HEATR5A: variants seen among roughly 807,000 people sequenced by gnomAD.
HEATR5A encodes the protein HEAT repeat-containing protein 5A.
In HEATR5A, 178 loss-of-function variants were observed where a neutral mutation model predicts 218.8. The observed-to-expected ratio is 0.81, with a 90% CI of 0.72 to 0.92. The LOEUF is 0.92. Among genes scored for constraint, HEATR5A ranks in the 40% least tolerant of loss-of-function variants. HEATR5A has a pLI of 0.00. For synonymous variants in HEATR5A, 864 were observed against 871.6 expected (o/e 0.99, Z 0.15); for missense variants, 2,420 against 2,418.9 (o/e 1.00, Z -0.01).
chr14:31,296,075 T>C lies in HEATR5A; in HGVS notation c.5465-12A>G. The C allele has an allele frequency of 6.2e-7, 1 of 1,610,304 alleles. No individual in the cohort carries two copies. Among genetic ancestry groups the C allele is most frequent in the Non-Finnish European group, 8.5e-7 (1 of 1,176,974 alleles). ...GTGTGTTTCATCAACTAAAGAGAAATGCTCTATTAGAAACAGTTCATATTT... is the reference window on the plus strand; with the variant it reads ...GTGTGTTTCATCAACTAAAGAGAAACGCTCTATTAGAAACAGTTCATATTT... On this transcript the variant is annotated splice_polypyrimidine_tract_variant and intron_variant, in intron 33 of 35. Transcript: ENST00000543095.
intron 9 of HEATR5A, among the ~76,000 whole-genome samples, chr14:31,385,659 C>G (rs1179271752): frequency 6.6e-6 from 1 of 152,134 alleles, no homozygotes; most frequent in Non-Finnish European, 1.5e-5. Context: ...AGTGACTGTA[C>G]AGTATAGCAA....
In HEATR5A at chr14:31,302,335, GAGA is replaced by G. The variant is rs1216491261; in HGVS notation, c.5421_5423del (p.Leu1808del). 1.2e-6 allele frequency: 2 copies of G among 1,603,536 alleles called. No homozygotes were observed. Among genetic ancestry groups the G allele is most frequent in the East Asian group, 2.2e-5 (1 of 44,612 alleles). ...CAAGAATTGTTGTTAAGGCACTTCGGAGAAGGTCAGTCCAAGCAGTACGGCTCT... is the reference window on the plus strand; with the variant it reads ...CAAGAATTGTTGTTAAGGCACTTCGGAGGTCAGTCCAAGCAGTACGGCTCT... On this transcript the variant is annotated inframe_deletion, in exon 33 of 36. Coordinates refer to ENST00000543095, the MANE Select transcript of HEATR5A (RefSeq NM_015473.4).
At chr14:31,396,713 G>A (rs527441324) in intron 4 of HEATR5A, among the ~76,000 whole-genome samples, 1 of 152,274 alleles carries the variant, frequency 6.6e-6, no homozygotes, top group East Asian at 1.9e-4. Flanking sequence ...CAAATGTTGT[G>A]TATCACTGGT....
chr14:31,396,848 T>C (rs1050314617), intron 4 of HEATR5A, among the ~76,000 whole-genome samples: 12 of 152,202 alleles, frequency 7.9e-5, no homozygotes, highest in Non-Finnish European at 1.6e-4. Flanking sequence ...AATATACTTA[T>C]CAGTAACTTA....
In HEATR5A at chr14:31,302,465, T is replaced by C. The variant is rs1344758991; in HGVS notation, c.5294A>G (p.Glu1765Gly). The C allele has an allele frequency of 1.3e-6, 2 of 1,596,424 alleles. No homozygotes were observed. Among genetic ancestry groups the C allele is most frequent in the Non-Finnish European group, 1.7e-6 (2 of 1,170,618 alleles). ...GCCCCCAGGTAACTTCACAGCAGTCTCTCTGAGGACCCCGATTGTGAGGTA... is the reference window on the plus strand; with the variant it reads ...GCCCCCAGGTAACTTCACAGCAGTCCCTCTGAGGACCCCGATTGTGAGGTA... ...ILYLTIGVLR[E>G]TAVKLPGGQL... The change falls in exon 33 of 36, where the codon GAG (glutamate) becomes GGG (glycine). Residue 1765 changes from glutamate (E) to glycine (G), a missense_variant. Glu to Gly is a moderately conservative substitution (Grantham distance 98). Coordinates refer to ENST00000543095, the MANE Select transcript of HEATR5A (RefSeq NM_015473.4).
intron 12 of HEATR5A, 97 bp from the exon 13 acceptor site, chr14:31,372,006 T>C (rs959068554): frequency 5.5e-6 from 3 of 541,402 alleles, no homozygotes; most frequent in Non-Finnish European, 9.8e-6. Flanking sequence ...ATTAGAGTAA[T>C]AAAGCAATTT....
chr14:31,400,225 A>G lies in HEATR5A; in HGVS notation c.338+76T>C, dbSNP rs1446306695. ...GCATTCAGTTTCAAAGTAAATGTCA[A>G]GTACTATGGGTACTTCATAAAAATA... On this transcript the variant is annotated intron_variant, in intron 3 of 35. Coordinates refer to ENST00000543095, the MANE Select transcript of HEATR5A (RefSeq NM_015473.4). 12 of 895,420 alleles carry G rather than the reference A, an allele frequency of 1.3e-5. No individual in the cohort carries two copies. The Admixed American group carries it at 3.2e-4, about 24-fold the overall frequency. 55.5% of individuals were successfully genotyped at this position (895,420 alleles called of 1,614,324 possible).
intron 21 of HEATR5A, among the ~76,000 whole-genome samples, chr14:31,338,883 G>A (rs563271441): frequency 2.6e-5 from 4 of 152,154 alleles, no homozygotes; most frequent in African/African-American, 7.2e-5. Context: ...TTGGGAGGCC[G>A]AGGTAGGCAG....
intron 33 of HEATR5A, among the ~76,000 whole-genome samples, chr14:31,300,259 C>CTGT (rs1253064355): frequency 6.6e-6 from 1 of 151,928 alleles, no homozygotes; most frequent in Non-Finnish European, 1.5e-5. Context: ...TTTGGTCAAA[C>CTGT]TGTTGTACCT....
At chr14:31,317,694 T>C (rs1899958059) in intron 26 of HEATR5A, among the ~76,000 whole-genome samples, 1 of 152,168 alleles carries the variant, frequency 6.6e-6, no homozygotes, top group Non-Finnish European at 1.5e-5. Context: ...AAGTGCTCAA[T>C]CTCACTTGAA....
In HEATR5A at chr14:31,293,336, G is replaced by C; in HGVS notation, c.6110C>G (p.Ser2037Ter). 1 of 1,594,964 alleles carries C rather than the reference G, an allele frequency of 6.3e-7. No homozygotes were observed. The highest frequency in any genetic ancestry group is 8.5e-7 in the Non-Finnish European group (1 of 1,174,468). ...SKYTKSPGKN[S>*]SIQLKTSFL Reference sequence around the variant, plus strand: ...GAAACTGGTCTTTAATTGGATGCTTGAGTTTTTTCCAGGACTCTTAGTATA... The same window carrying C: ...GAAACTGGTCTTTAATTGGATGCTTCAGTTTTTTCCAGGACTCTTAGTATA... The change falls in exon 36 of 36, where the codon TCA becomes TGA. Residue 2037 changes from serine to a stop codon, truncating the protein, a stop_gained. Coordinates refer to ENST00000543095, the MANE Select transcript of HEATR5A (RefSeq NM_015473.4). LOFTEE classifies it high-confidence loss of function.
chr14:31,309,531 AG>A (rs765046882), intron 28 of HEATR5A, among the ~76,000 whole-genome samples: 2 of 152,234 alleles, frequency 1.3e-5, no homozygotes, highest in African/African-American at 2.4e-5. Flanking sequence ...TACAACTGAT[AG>A]GTCATAGGGC....
intron 22 of HEATR5A, among the ~76,000 whole-genome samples, chr14:31,331,740 C>T (rs1046238721): frequency 1.3e-5 from 2 of 152,162 alleles, no homozygotes; most frequent in African/African-American, 4.8e-5. Flanking sequence ...AACTTACAAT[C>T]ATGGTGGAAG....
At chr14:31,378,796 AC>A (rs199616665) in intron 11 of HEATR5A, among the ~76,000 whole-genome samples, 66,579 of 125,462 alleles carry the variant, frequency 0.53, 18,796 homozygotes, top group South Asian at 0.7. Flanking sequence ...TCAAAAAAAA[AC>A]AAACAAAAAA....
chr14:31,397,881 C>T (rs1298964553), intron 4 of HEATR5A, among the ~76,000 whole-genome samples: 2 of 152,120 alleles, frequency 1.3e-5, no homozygotes, highest in Non-Finnish European at 2.9e-5. Flanking sequence ...GTCTCAAACT[C>T]CTGGCTTTAA....
chr14:31,294,506 T>C (rs1468289219), intron 34 of HEATR5A, among the ~76,000 whole-genome samples: 1 of 151,342 alleles, frequency 6.6e-6, no homozygotes, highest in African/African-American at 2.4e-5. Flanking sequence ...GCCTCCTGTG[T>C]TCAAGTGATT....
intron 28 of HEATR5A, among the ~76,000 whole-genome samples, chr14:31,310,512 C>T (rs1028858336): frequency 2.6e-5 from 4 of 152,018 alleles, no homozygotes; most frequent in Non-Finnish European, 4.4e-5. Context: ...TGGTAGTGCA[C>T]GCCTGTAGTC....
At chr14:31,343,114 G>A (rs562835427) in intron 21 of HEATR5A, among the ~76,000 whole-genome samples, 1 of 149,600 alleles carries the variant, frequency 6.7e-6, no homozygotes, top group African/African-American at 2.5e-5. Context: ...TTCCTGAGAC[G>A]GAGTTTCACT....
intron 34 of HEATR5A, among the ~76,000 whole-genome samples, chr14:31,295,044 A>AT (rs1450933024): frequency 1.3e-5 from 2 of 152,194 alleles, no homozygotes; most frequent in East Asian, 3.9e-4. Flanking sequence ...TTTAATAATT[A>AT]TTTTTTCTGA....
Sources: allele counts gnomAD v4.1 joint callset (sites outside exome capture counted in the v4.1 genomes callset), GRCh38; gene constraint gnomAD v4.1.1; transcripts MANE v1.5; gene names NCBI Gene and HGNC (gene_info 2026-07-23, HGNC 2026-07-21).